ANK3: variants seen among roughly 807,000 people sequenced by gnomAD.
The protein encoded by ANK3 is ankyrin 3.
A neutral mutation model predicts 370.9 loss-of-function variants in ANK3; 57 were observed. The ratio of observed to expected loss-of-function variants is 0.15; its 90% CI spans 0.12 to 0.19. The LOEUF is 0.19. ANK3 is among the 10% of genes least tolerant of loss of function. ANK3 has a pLI of 1.00. For synonymous variants in ANK3, 1,929 were observed against 1,946.3 expected, an observed-to-expected ratio of 0.99 and a Z score of 0.23; for missense variants, 4,439 against 5,302.1, an observed-to-expected ratio of 0.84 and a Z score of 5.06.
At chr10:60,066,454 G>A (rs7902858) in intron 38 of ANK3, among the ~76,000 whole-genome samples, 51,449 of 151,918 alleles carry the variant, frequency 0.34, 9,905 homozygotes, top group East Asian at 0.59. Context: ...ATAAATTACT[G>A]TTAACTCTCA....
chr10:60,375,995 A>G (rs1254143222), intron 1 of ANK3, among the ~76,000 whole-genome samples: 1 of 152,182 alleles, frequency 6.6e-6, no homozygotes, highest in East Asian at 1.9e-4. Context: ...GTTCAATTTA[A>G]TTTAGCCTTC....
chr10:60,343,033 T>C (rs1034971511), intron 1 of ANK3, among the ~76,000 whole-genome samples: 1 of 152,138 alleles, frequency 6.6e-6, no homozygotes, highest in East Asian at 1.9e-4. Context: ...TATGATACAG[T>C]GTAAGGCTGC....
At chr10:60,591,300 T>C in intron 2 of ANK3, among the ~76,000 whole-genome samples, 1 of 123,540 alleles carries the variant, frequency 8.1e-6, no homozygotes, top group East Asian at 2.3e-4. Flanking sequence ...ATTTTTATTT[T>C]TATTTTATTT....
intron 2 of ANK3, among the ~76,000 whole-genome samples, chr10:60,465,065 G>C (rs546736335): frequency 8.6e-5 from 13 of 152,002 alleles, no homozygotes; most frequent in Non-Finnish European, 1.3e-4. Flanking sequence ...CCAGGAGTTC[G>C]AGGCCAGCCT....
At chr10:60,703,861 A>G (rs770284080) in intron 1 of ANK3, among the ~76,000 whole-genome samples, 1 of 152,150 alleles carries the variant, frequency 6.6e-6, no homozygotes, top group East Asian at 1.9e-4. Context: ...CAGTGTTCCA[A>G]TGAACACCTC....
At chr10:60,258,775 T>C (rs1375711275) in intron 7 of ANK3, among the ~76,000 whole-genome samples, 1 of 152,170 alleles carries the variant, frequency 6.6e-6, no homozygotes, top group African/African-American at 2.4e-5. Context: ...TTATCTGTCA[T>C]ACTTCTTTCT....
chr10:60,278,880 AT>A lies in ANK3; in HGVS notation c.316-9del. The A allele has an allele frequency of 6.2e-7, 1 of 1,613,330 alleles. No individual in the cohort carries two copies. Among genetic ancestry groups the A allele is most frequent in the Non-Finnish European group, 8.5e-7 (1 of 1,179,368 alleles). On this transcript the variant is annotated splice_polypyrimidine_tract_variant and intron_variant, in intron 3 of 43. Coordinates refer to ENST00000280772, the MANE Select transcript of ANK3 (RefSeq NM_020987.5). The stretch of plus-strand genomic sequence containing the variant: ...CAATGCTGTGTTTCCTTTCTGTGAA[AT>A]GAAAGTCAAGATATATCAACTCATC...
chr10:60,236,558 G>A (rs2097337828), intron 7 of ANK3, among the ~76,000 whole-genome samples: 1 of 152,140 alleles, frequency 6.6e-6, no homozygotes, highest in African/African-American at 2.4e-5. Flanking sequence ...CTCATGGGGA[G>A]TTGTTTAACA....
intron 1 of ANK3, among the ~76,000 whole-genome samples, chr10:60,307,048 T>A (rs996395628): frequency 3.3e-5 from 5 of 152,166 alleles, no homozygotes; most frequent in Non-Finnish European, 7.4e-5. Flanking sequence ...CATTTTTAAA[T>A]GGTTGAAAAA....
chr10:60,497,625 A>G (rs2075692593), intron 2 of ANK3, among the ~76,000 whole-genome samples: 1 of 152,210 alleles, frequency 6.6e-6, no homozygotes, highest in African/African-American at 2.4e-5. Context: ...AGATTCTTAT[A>G]AGGAACAAAG....
intron 1 of ANK3, among the ~76,000 whole-genome samples, chr10:60,688,089 T>G (rs958918734): frequency 1.4e-4 from 21 of 152,234 alleles, no homozygotes; most frequent in African/African-American, 4.8e-4. Flanking sequence ...CTAACTTTTT[T>G]TTTTTTGAGA....
chr10:60,360,745 G>A (rs2058476351), intron 1 of ANK3, among the ~76,000 whole-genome samples: 1 of 151,938 alleles, frequency 6.6e-6, no homozygotes, highest in Non-Finnish European at 1.5e-5. Context: ...CTAGTGACAG[G>A]ATATCCCGGG....
At chr10:60,621,330 T>C (rs1595357393) in intron 1 of ANK3, among the ~76,000 whole-genome samples, 1 of 152,240 alleles carries the variant, frequency 6.6e-6, no homozygotes, top group Non-Finnish European at 1.5e-5. Flanking sequence ...ACTAAAATTC[T>C]AGATTGTTTT....
At chr10:60,232,659 T>A (rs543635655) in intron 8 of ANK3, among the ~76,000 whole-genome samples, 21 of 152,184 alleles carry the variant, frequency 1.4e-4, no homozygotes, top group Non-Finnish European at 2.5e-4. Flanking sequence ...GGTACATACA[T>A]GGTTTCCAGG....
At chr10:60,036,364 G>A (rs971842487) in intron 43 of ANK3, among the ~76,000 whole-genome samples, 6 of 147,350 alleles carry the variant, frequency 4.1e-5, no homozygotes, top group African/African-American at 1.5e-4. Flanking sequence ...GACGCTTATT[G>A]AGTGCTTACT....
At chr10:60,244,908 G>A (rs1272875247) in intron 7 of ANK3, among the ~76,000 whole-genome samples, 2 of 152,274 alleles carry the variant, frequency 1.3e-5, no homozygotes, top group South Asian at 2.1e-4. Flanking sequence ...GGTGGCTCAC[G>A]CCTGTAATCC....
At chr10:60,241,792 G>A (rs1207495289) in intron 7 of ANK3, among the ~76,000 whole-genome samples, 1 of 151,884 alleles carries the variant, frequency 6.6e-6, no homozygotes, top group Non-Finnish European at 1.5e-5. Flanking sequence ...TTGAAAAATG[G>A]TGGATAAAGA....
intron 1 of ANK3, among the ~76,000 whole-genome samples, chr10:60,383,971 G>T (rs1183415990): frequency 6.6e-6 from 1 of 152,142 alleles, no homozygotes. Context: ...GAGACTGCTA[G>T]CATCTCATTA....
At chr10:60,062,995 T>G in intron 40 of ANK3, 116 bp downstream of exon 40, 7 of 1,086,546 alleles carry the variant, frequency 6.4e-6, no homozygotes, top group African/African-American at 1.6e-5. Flanking sequence ...GCAGAGAAAA[T>G]GAGAAACTAA....
Sources: allele counts gnomAD v4.1 joint callset (sites outside exome capture counted in the v4.1 genomes callset), GRCh38; gene constraint gnomAD v4.1.1; transcripts MANE v1.5; gene names NCBI Gene and HGNC (gene_info 2026-07-23, HGNC 2026-07-21).